BOK: variants seen among roughly 807,000 people sequenced by gnomAD.
BOK encodes bcl-2-related ovarian killer protein.
BOK carries 20 observed loss-of-function variants against 18.3 expected under a neutral mutation model. The observed-to-expected ratio is 1.09, with a 90% confidence interval of 0.77 to 1.59. The LOEUF is 1.59. Among genes scored for constraint, BOK ranks in the 40% most tolerant of loss-of-function variants. BOK has a pLI of 0.00. For synonymous variants in BOK, 173 were observed against 142.4 expected (o/e 1.21, Z -1.53); for missense variants, 348 against 307.9 (o/e 1.13, Z -0.97).
chr2:241,565,059 G>T (rs1456276996), intron 3 of BOK, among the ~76,000 whole-genome samples: 1 of 152,158 alleles, frequency 6.6e-6, no homozygotes, highest in Non-Finnish European at 1.5e-5. Flanking sequence ...ATGGCTGGAC[G>T]AGCGGGCACA....
At chr2:241,568,020 G>C (rs1158833689) in intron 3 of BOK, among the ~76,000 whole-genome samples, 1 of 151,912 alleles carries the variant, frequency 6.6e-6, no homozygotes, top group African/African-American at 2.4e-5. Context: ...TGCATCCACG[G>C]ACTCACACTG....
At chr2:241,569,332 C>T (rs2066667735) in intron 3 of BOK, among the ~76,000 whole-genome samples, 1 of 151,910 alleles carries the variant, frequency 6.6e-6, no homozygotes, top group South Asian at 2.1e-4. Context: ...ACGGTTTCAC[C>T]ATGTTGGTCA....
Position 241,562,563 on chromosome 2 carries a change from C to T in BOK, c.349+87C>T, listed in dbSNP as rs369735314. ...CTCACAGGGACCCCACGAGCTGGCC[C>T]CCACCCATCCTGGCGCTGCCCAGTG... On this transcript the variant is annotated intron_variant, in intron 3 of 4. Coordinates refer to ENST00000318407, the MANE Select transcript of BOK (RefSeq NM_032515.5). The surrounding 1 kb of genome is among the most constrained non-coding windows in gnomAD (Gnocchi z 4.5). 2.0e-4 allele frequency: 289 copies of T among 1,478,160 alleles called. No homozygotes were observed. Among genetic ancestry groups the T allele is most frequent in the Middle Eastern group, 1.3e-3 (6 of 4,796 alleles). The allele number at this position is 1,478,160 out of a possible 1,614,324, so 91.6% of individuals were successfully genotyped here. A position where few individuals can be genotyped will look rare whatever the true frequency, so the allele number is the denominator to read the frequency against.
At position 241,570,279 on chromosome 2, in the gene BOK, C is replaced by G. The variant is rs758756699; in HGVS notation, c.504C>G (p.Arg168=). 6 of 1,558,082 alleles carry G rather than the reference C, an allele frequency of 3.9e-6. No homozygotes were observed. The African/African-American group carries it at 6.9e-5, about 18-fold the overall frequency. ...RKTLATWLRR[R]GGWTDVLKCV... ...CCCTGGCAACCTGGCTGCGGAGACG[C>G]GGCGGATGGGTGAGCGCCTGAGTGC... Residue 168 remains arginine (R), a synonymous_variant, in exon 4 of 5, where the codon CGC becomes CGG. Transcript: ENST00000318407.
At chr2:241,555,011 T>C (rs561175801), upstream of BOK, among the ~76,000 whole-genome samples, 4 of 151,870 alleles carry the variant, frequency 2.6e-5, no homozygotes, top group South Asian at 4.2e-4. Context: ...ACCGGAGAAA[T>C]GTAGGCTCCC....
chr2:241,572,506 C>A lies in BOK; in HGVS notation c.*84C>A. The stretch of plus-strand genomic sequence containing the variant: ...AGCACCCGAACACATCTTCCTCCTC[C>A]CCACCCGAGCCTGGAGCACTCTAAC... On this transcript the variant is annotated 3_prime_UTR_variant, in exon 5 of 5. Coordinates refer to ENST00000318407, the MANE Select transcript of BOK (RefSeq NM_032515.5). 1 of 1,509,058 alleles carries A rather than the reference C, an allele frequency of 6.6e-7. No homozygotes were observed. The highest frequency in any genetic ancestry group is 8.9e-7 in the Non-Finnish European group (1 of 1,129,062). 93.5% of individuals were successfully genotyped at this position (1,509,058 alleles called of 1,614,324 possible).
chr2:241,552,796 C>T (rs1296020928), intron 1 of BOK, among the ~76,000 whole-genome samples: 2 of 152,338 alleles, frequency 1.3e-5, no homozygotes, highest in East Asian at 1.9e-4. Flanking sequence ...CAGGGATCAC[C>T]ACTGGGAAGA....
intron 2 of BOK, among the ~76,000 whole-genome samples, chr2:241,561,856 T>G (rs1680640867): frequency 6.6e-6 from 1 of 152,222 alleles, no homozygotes. Context: ...GCTCTCGGGC[T>G]GTCCCCTGCT....
chr2:241,552,574 G>A (rs1485870221), intron 1 of BOK, among the ~76,000 whole-genome samples: 3 of 152,280 alleles, frequency 2.0e-5, no homozygotes, highest in East Asian at 3.9e-4. Flanking sequence ...TGAGGCTGCC[G>A]CCGCTGCTGA....
chr2:241,558,054 G>GACACACAT (rs2066468031), upstream of BOK, among the ~76,000 whole-genome samples: 1 of 143,244 alleles, frequency 7.0e-6, no homozygotes, highest in Non-Finnish European at 1.5e-5. Flanking sequence ...AGAGTTCCGA[G>GACACACAT]ACACACACAC....
At chr2:241,567,367 TC>T (rs1347405412) in intron 3 of BOK, among the ~76,000 whole-genome samples, 1 of 133,930 alleles carries the variant, frequency 7.5e-6, no homozygotes, top group Non-Finnish European at 1.6e-5. Flanking sequence ...CCTCAGGTGA[TC>T]CGTCTGCCTC....
At chr2:241,560,372 G>A (rs1039859434) in intron 2 of BOK, 163 of 855,678 alleles carry the variant, frequency 1.9e-4, no homozygotes, top group Non-Finnish European at 2.2e-4. Flanking sequence ...CCCGAAGAGG[G>A]CACATGGGGC....
At chr2:241,569,607 C>T (rs188307265) in intron 3 of BOK, among the ~76,000 whole-genome samples, 5 of 152,294 alleles carry the variant, frequency 3.3e-5, no homozygotes, top group Admixed American at 1.3e-4. Context: ...ACGTATAAGA[C>T]GTCTTTCCGT....
chr2:241,552,945 C>T (rs748850111), intron 1 of BOK, among the ~76,000 whole-genome samples: 4 of 152,298 alleles, frequency 2.6e-5, no homozygotes, highest in Admixed American at 1.3e-4. Flanking sequence ...CCGGGCGGCT[C>T]GCCACACAAC....
At chr2:241,551,629 G>A (rs970479762) in intron 1 of BOK, among the ~76,000 whole-genome samples, 11 of 152,334 alleles carry the variant, frequency 7.2e-5, no homozygotes, top group African/African-American at 2.6e-4. Context: ...CACAATAGCA[G>A]CAGCCCCTGC....
At chr2:241,563,562 G>GA in intron 3 of BOK, among the ~76,000 whole-genome samples, 1 of 152,350 alleles carries the variant, frequency 6.6e-6, no homozygotes, top group Non-Finnish European at 1.5e-5. Flanking sequence ...CTGAAGCTTG[G>GA]AGGAGGGGCA....
At chr2:241,563,257 T>G (rs1209069551) in intron 3 of BOK, among the ~76,000 whole-genome samples, 1 of 152,208 alleles carries the variant, frequency 6.6e-6, no homozygotes, top group Non-Finnish European at 1.5e-5. Flanking sequence ...TCCAGCTGCC[T>G]TGGCCTGGAT....
intron 4 of BOK, among the ~76,000 whole-genome samples, chr2:241,571,758 G>C (rs946146610): frequency 2.0e-5 from 3 of 152,222 alleles, no homozygotes; most frequent in Non-Finnish European, 4.4e-5. Context: ...AGAATTGGAC[G>C]TTCATTCACT....
chr2:241,558,988 G>A lies in BOK; in HGVS notation c.-35G>A, dbSNP rs2066480188. 1 of 151,482 alleles carries A rather than the reference G, an allele frequency of 6.6e-6. No individual in the cohort carries two copies. 9.4% of individuals were successfully genotyped at this position (151,482 alleles called of 1,614,324 possible). On this transcript the variant is annotated 5_prime_UTR_variant, in exon 1 of 5. Transcript: ENST00000318407. ...ACCCCGGCGCCCGCGCCATGCGGCG[G>A]GAGAGGTGAGCGCGGCGGGCGTGGC...
Sources: gnomAD v4.1 joint callset for allele counts (sites outside exome capture counted in the v4.1 genomes callset) on GRCh38, gnomAD v4.1.1 for gene constraint, Gnocchi (gnomAD v3.1) non-coding constraint, MANE v1.5 for transcripts, NCBI Gene and HGNC (gene_info 2026-07-23, HGNC 2026-07-21) for gene names.